Variants in TNIK observed in about 807,000 individuals in gnomAD.
TNIK encodes TRAF2 and NCK-interacting protein kinase.
Under a neutral mutation model 191.3 loss-of-function variants are expected in TNIK, and 49 were observed. That is an observed-to-expected ratio of 0.26 (90% CI 0.20 to 0.32). The LOEUF is 0.32. TNIK is among the 10% of genes least tolerant of loss of function. The probability of loss-of-function intolerance (pLI) is 1.00; values close to 1 mark genes in which losing one functional copy is unlikely to be tolerated. For synonymous variants in TNIK, 594 were observed against 600.9 expected (o/e 0.99, Z 0.17); for missense variants, 1,155 against 1,702.3 (o/e 0.68, Z 5.66).
intron 7 of TNIK, among the ~76,000 whole-genome samples, chr3:171,188,266 T>C (rs1311367112): frequency 6.6e-6 from 1 of 152,148 alleles, no homozygotes; most frequent in African/African-American, 2.4e-5. Flanking sequence ...CCCCAGATAA[T>C]TATACTTCGA....
chr3:171,253,072 C>T (rs1431517693), intron 2 of TNIK, among the ~76,000 whole-genome samples: 1 of 151,230 alleles, frequency 6.6e-6, no homozygotes, highest in Admixed American at 6.6e-5. Flanking sequence ...GTCAGGAGTT[C>T]GAGACCATCC....
intron 23 of TNIK, among the ~76,000 whole-genome samples, chr3:171,088,692 C>CA (rs1037147594): frequency 3.3e-5 from 5 of 152,032 alleles, no homozygotes; most frequent in East Asian, 1.9e-4. Context: ...CAGTCTCTGC[C>CA]AAAAAAACCC....
chr3:171,395,500 A>G (rs532143846), intron 1 of TNIK, among the ~76,000 whole-genome samples: 1 of 152,326 alleles, frequency 6.6e-6, no homozygotes, highest in East Asian at 1.9e-4. Context: ...TATATGTCCC[A>G]TTACATTGCA....
intron 1 of TNIK, among the ~76,000 whole-genome samples, chr3:171,382,773 C>T (rs1419031422): frequency 1.3e-5 from 2 of 152,150 alleles, no homozygotes; most frequent in African/African-American, 4.8e-5. Flanking sequence ...TACTGACCCA[C>T]TCTAGGCATG....
chr3:171,359,253 C>G (rs546162701), intron 2 of TNIK, among the ~76,000 whole-genome samples: 10 of 152,260 alleles, frequency 6.6e-5, no homozygotes, highest in South Asian at 2.1e-4. Context: ...AAGCCATACT[C>G]GAAGTATCAA....
At chr3:171,347,055 T>G in intron 2 of TNIK, 1 of 1,357,028 alleles carries the variant, frequency 7.4e-7, no homozygotes, top group Non-Finnish European at 9.9e-7. Flanking sequence ...ATGCCTGTGC[T>G]AGGACAGTGG....
chr3:171,088,692 C>G lies in TNIK; in HGVS notation c.2722-1186G>C, dbSNP rs186822319. 2.2e-3 allele frequency among the ~76,000 whole-genome samples: 340 copies of G among 152,150 alleles called. 3 individuals are homozygous for G. Among genetic ancestry groups the G allele is most frequent in the Admixed American group, 0.017 (265 of 15,290 alleles). On this transcript the variant is annotated intron_variant, in intron 23 of 32. Transcript: ENST00000436636. ...CATTGCTCTGGAGAGCAGTCTCTGC[C>G]AAAAAAACCCCAGGGAGGAAAGGCA...
At chr3:171,195,927 A>C (rs1464156283) in intron 4 of TNIK, among the ~76,000 whole-genome samples, 2 of 152,234 alleles carry the variant, frequency 1.3e-5, no homozygotes, top group African/African-American at 4.8e-5. Context: ...AAAAGGATTC[A>C]ATTTCAAGAG....
At chr3:171,288,335 AGAAAAT>A (rs1751274861) in intron 2 of TNIK, among the ~76,000 whole-genome samples, 8 of 145,352 alleles carry the variant, frequency 5.5e-5, no homozygotes, top group South Asian at 2.1e-4. Context: ...AAAAAAAAAA[AGAAAAT>A]ATTTGGGTGG....
At chr3:171,399,093 C>T (rs1344397688) in intron 1 of TNIK, among the ~76,000 whole-genome samples, 7 of 152,230 alleles carry the variant, frequency 4.6e-5, no homozygotes, top group Admixed American at 3.9e-4. Flanking sequence ...ATTGTAGGTG[C>T]TCCATTGCTG....
At chr3:171,212,560 G>A (rs1740965686) in intron 3 of TNIK, among the ~76,000 whole-genome samples, 1 of 152,086 alleles carries the variant, frequency 6.6e-6, no homozygotes, top group East Asian at 1.9e-4. Flanking sequence ...TTTGGTTCTA[G>A]CCCCGTGAAT....
chr3:171,344,084 T>C (rs1460120158), intron 2 of TNIK, among the ~76,000 whole-genome samples: 1 of 152,210 alleles, frequency 6.6e-6, no homozygotes, highest in Non-Finnish European at 1.5e-5. Flanking sequence ...ATCTTTTCTA[T>C]GCCTCCCCAA....
chr3:171,228,543 G>A (rs1012987767), intron 2 of TNIK, among the ~76,000 whole-genome samples: 8 of 152,200 alleles, frequency 5.3e-5, no homozygotes, highest in Non-Finnish European at 8.8e-5. Flanking sequence ...CTAGGCCTGC[G>A]TGGAAGAATA....
chr3:171,430,251 G>C (rs186265413), intron 1 of TNIK, among the ~76,000 whole-genome samples: 17 of 152,194 alleles, frequency 1.1e-4, no homozygotes, highest in Non-Finnish European at 1.8e-4. Flanking sequence ...TATACATCAA[G>C]TGAATTTTAC....
intron 18 of TNIK, among the ~76,000 whole-genome samples, chr3:171,121,069 A>G (rs1727685741): frequency 6.6e-6 from 1 of 152,174 alleles, no homozygotes; most frequent in Admixed American, 6.5e-5. Flanking sequence ...TGTACTTTTT[A>G]CTGCATCCAT....
At chr3:171,427,424 A>G (rs1724782379) in intron 1 of TNIK, among the ~76,000 whole-genome samples, 2 of 152,072 alleles carry the variant, frequency 1.3e-5, no homozygotes, top group African/African-American at 4.8e-5. Context: ...GGCATATTAG[A>G]TTGCCTCTGT....
chr3:171,415,998 G>GAAAA (rs58082222), intron 1 of TNIK, among the ~76,000 whole-genome samples: 22 of 86,670 alleles, frequency 2.5e-4, no homozygotes, highest in African/African-American at 9.3e-4. Context: ...AAAAAAAAAA[G>GAAAA]AAAGAAAAAG....
chr3:171,214,934 CT>C (rs1741281374), intron 3 of TNIK, among the ~76,000 whole-genome samples: 1 of 152,090 alleles, frequency 6.6e-6, no homozygotes, highest in South Asian at 2.1e-4. Context: ...CTACTTATTG[CT>C]TAGTGTTTGT....
chr3:171,216,242 C>T (rs747737087), intron 3 of TNIK, among the ~76,000 whole-genome samples: 27 of 152,180 alleles, frequency 1.8e-4, no homozygotes, highest in Admixed American at 5.2e-4. Flanking sequence ...TCCCTCCCTG[C>T]AATAGAAGTT....
Sources: gnomAD v4.1 joint callset for allele counts (sites outside exome capture counted in the v4.1 genomes callset) on GRCh38, gnomAD v4.1.1 for gene constraint, MANE v1.5 for transcripts, NCBI Gene and HGNC (gene_info 2026-07-23, HGNC 2026-07-21) for gene names.